Variants in WWOX observed in about 807,000 individuals in gnomAD.
WWOX encodes the protein WW domain containing oxidoreductase, also known as WW domain-containing oxidoreductase.
In WWOX, 69 loss-of-function variants were observed where a neutral mutation model predicts 46.2. That is an observed-to-expected ratio of 1.49 (90% CI 1.23 to 1.82). The LOEUF is 1.82. WWOX is among the 40% of genes most tolerant of loss of function. The probability of loss-of-function intolerance (pLI) is 0.00; values close to 1 mark genes in which losing one functional copy is unlikely to be tolerated. For missense variants in WWOX, 919 were observed against 542.6 expected (o/e 1.69, Z -6.89); for synonymous variants, 359 against 202.6 (o/e 1.77, Z -6.56).
chr16:78,793,191 G>A (rs941040160), intron 8 of WWOX, among the ~76,000 whole-genome samples: 1 of 152,106 alleles, frequency 6.6e-6, no homozygotes, highest in Non-Finnish European at 1.5e-5. Flanking sequence ...TCACACCTCA[G>A]CCTCCCAAGT....
At chr16:78,633,119 G>T (rs767845068) in intron 8 of WWOX, among the ~76,000 whole-genome samples, 26 of 151,990 alleles carry the variant, frequency 1.7e-4, no homozygotes, top group African/African-American at 6.3e-4. Flanking sequence ...AAAATTAGCC[G>T]GGTGTGGTGG....
intron 8 of WWOX, among the ~76,000 whole-genome samples, chr16:78,438,154 G>T (rs139792496): frequency 6.6e-6 from 1 of 152,216 alleles, no homozygotes; most frequent in East Asian, 1.9e-4. Context: ...GATGCTTTAT[G>T]TATCAGCATA....
intron 5 of WWOX, among the ~76,000 whole-genome samples, chr16:78,174,917 G>T (rs943409242): frequency 2.1e-4 from 32 of 151,954 alleles, no homozygotes; most frequent in Non-Finnish European, 3.7e-4. Flanking sequence ...TAACCTGGGA[G>T]GTGGAGGTTG....
At chr16:79,197,810 C>T (rs892119403) in intron 8 of WWOX, among the ~76,000 whole-genome samples, 1 of 152,152 alleles carries the variant, frequency 6.6e-6, no homozygotes, top group East Asian at 1.9e-4. Context: ...GCAGTTTCAT[C>T]CCACCATGAT....
chr16:78,976,586 G>A (rs186660320), intron 8 of WWOX, among the ~76,000 whole-genome samples: 4 of 152,194 alleles, frequency 2.6e-5, no homozygotes, highest in Non-Finnish European at 4.4e-5. Context: ...TTGCAGCTGC[G>A]AAAAGCATGG....
rs1349397729 is a variant in WWOX, at chr16:78,310,127, AAACCC to A, written c.517-76731_517-76727del. 2.0e-5 allele frequency among the ~76,000 whole-genome samples: 3 copies of A among 150,880 alleles called. No individual in the cohort carries two copies. In the East Asian group the frequency reaches 5.9e-4, roughly 30 times the overall value. On this transcript the variant is annotated intron_variant, in intron 5 of 8. Coordinates refer to ENST00000566780, the MANE Select transcript of WWOX (RefSeq NM_016373.4). ...CATAGCTCTCTTGCCCCATTGTTTT[AAACCC>A]ATCTGTTTTTGTTGCTGGTAACTGT...
chr16:78,657,954 A>G (rs181259446), intron 8 of WWOX, among the ~76,000 whole-genome samples: 3 of 152,112 alleles, frequency 2.0e-5, no homozygotes, highest in African/African-American at 7.2e-5. Flanking sequence ...CACCTTGGGA[A>G]GTGGACTCAG....
chr16:79,169,291 G>C (rs1347408072), intron 8 of WWOX, among the ~76,000 whole-genome samples: 17 of 152,140 alleles, frequency 1.1e-4, no homozygotes, highest in African/African-American at 3.4e-4. Context: ...CTTGTGATGT[G>C]TTAGAAAGCA....
intron 4 of WWOX, among the ~76,000 whole-genome samples, chr16:78,162,472 AAT>A (rs10668078): frequency 2.7e-5 from 4 of 150,730 alleles, no homozygotes; most frequent in African/African-American, 7.3e-5. Context: ...CACAGACATA[AAT>A]ATATATATAT....
intron 4 of WWOX, among the ~76,000 whole-genome samples, chr16:78,135,684 GA>G (rs142640446): frequency 1.4e-4 from 20 of 145,322 alleles, no homozygotes; most frequent in South Asian, 2.2e-4. Context: ...CAGTATTACT[GA>G]AAAAAAAACA....
At chr16:79,089,934 C>G (rs1345408256) in intron 8 of WWOX, 2 of 149,660 alleles carry the variant, frequency 1.3e-5, no homozygotes, top group African/African-American at 4.9e-5. Context: ...TGCGAAAACC[C>G]AAGAGAAACC....
At chr16:78,914,320 G>A (rs962123758) in intron 8 of WWOX, among the ~76,000 whole-genome samples, 2 of 152,006 alleles carry the variant, frequency 1.3e-5, no homozygotes, top group African/African-American at 2.4e-5. Context: ...CATCTGTCCT[G>A]TCCACTCATG....
intron 8 of WWOX, among the ~76,000 whole-genome samples, chr16:78,940,058 C>T (rs1046246370): frequency 6.6e-6 from 1 of 152,308 alleles, no homozygotes; most frequent in South Asian, 2.1e-4. Flanking sequence ...ACGTTACTTT[C>T]ATCCCATTAT....
At chr16:78,591,985 T>G (rs1260099578) in intron 8 of WWOX, among the ~76,000 whole-genome samples, 1 of 152,226 alleles carries the variant, frequency 6.6e-6, no homozygotes, top group Admixed American at 6.5e-5. Flanking sequence ...GACTTCTTAT[T>G]TCAATAGATA....
intron 8 of WWOX, among the ~76,000 whole-genome samples, chr16:78,657,887 C>T (rs929711912): frequency 3.9e-5 from 6 of 151,998 alleles, no homozygotes; most frequent in Non-Finnish European, 5.9e-5. Flanking sequence ...CAGAGCCTGG[C>T]GGTGATTGTT....
At chr16:78,413,410 G>C (rs1400516322) in intron 6 of WWOX, among the ~76,000 whole-genome samples, 1 of 152,204 alleles carries the variant, frequency 6.6e-6, no homozygotes, top group Non-Finnish European at 1.5e-5. Flanking sequence ...AGTTCTTAGA[G>C]GTTTTGGCAT....
chr16:78,473,463 CTGAT>C (rs1473611521), intron 8 of WWOX, among the ~76,000 whole-genome samples: 5 of 152,146 alleles, frequency 3.3e-5, no homozygotes, highest in Non-Finnish European at 7.3e-5. Context: ...GAAGAGTTAA[CTGAT>C]TGCAGCAGGT....
At chr16:78,745,254 A>G (rs1393070282) in intron 8 of WWOX, among the ~76,000 whole-genome samples, 3 of 152,182 alleles carry the variant, frequency 2.0e-5, no homozygotes, top group African/African-American at 4.8e-5. Flanking sequence ...GATTGATTAC[A>G]TTTGAATCTT....
intron 4 of WWOX, among the ~76,000 whole-genome samples, chr16:78,144,512 T>TACACACACACACACAC (rs1567596542): frequency 9.8e-5 from 4 of 40,692 alleles, no homozygotes; most frequent in African/African-American, 3.4e-4. Flanking sequence ...TATATATATA[T>TACACACACACACACAC]ATATATATAT....
Sources: gnomAD v4.1 joint callset for allele counts (sites outside exome capture counted in the v4.1 genomes callset) on GRCh38, gnomAD v4.1.1 for gene constraint, MANE v1.5 for transcripts, NCBI Gene and HGNC (gene_info 2026-07-23, HGNC 2026-07-21) for gene names.